Variants in NDRG1 observed in about 807,000 individuals in gnomAD.
The protein encoded by NDRG1 is N-myc downstream regulated 1.
NDRG1 carries 32 observed loss-of-function variants against 56.9 expected under a neutral mutation model. The observed-to-expected ratio is 0.56, with a 90% confidence interval of 0.42 to 0.76. NDRG1 has a LOEUF of 0.76. NDRG1 is among the 30% of genes least tolerant of loss of function. The pLI is 0.00. For synonymous variants in NDRG1, 211 were observed against 204.1 expected (o/e 1.03, Z -0.29); for missense variants, 507 against 545.7 (o/e 0.93, Z 0.71).
chr8:133,247,907 C>T lies in NDRG1; in HGVS notation c.775G>A (p.Val259Ile), dbSNP rs2130689327. 1.2e-6 allele frequency: 2 copies of T among 1,614,114 alleles called. No individual in the cohort carries two copies. The highest frequency in any genetic ancestry group is 4.5e-5 in the East Asian group (2 of 44,880). ...TCCACTGCAGGCGAGCTGTCCCCAA[C>T]CACCAACAGAGCAGGGCACCTGGGG... The part of the protein sequence containing the change: ...VTLQCPALLV[V>I]GDSSPAVDAV... The change falls in exon 12 of 16, where the codon GTT becomes ATT. Residue 259 changes from valine to isoleucine, a missense_variant. By Grantham distance (29) the Val-to-Ile change is conservative (BLOSUM62 3). Transcript: ENST00000323851.
At position 133,246,678 on chromosome 8, in the gene NDRG1, G is replaced by A; in HGVS notation, c.808-15C>T. ...TTGCACTCCACCTGCACAAGAGGGA[G>A]GAAATCTGTTAATTTTCTACGTGAA... On this transcript the variant is annotated splice_polypyrimidine_tract_variant and intron_variant, in intron 12 of 15. Coordinates refer to ENST00000323851, the MANE Select transcript of NDRG1 (RefSeq NM_006096.4). The A allele has an allele frequency of 6.2e-7, 1 of 1,613,914 alleles. No homozygotes were observed. The highest frequency in any genetic ancestry group is 8.5e-7 in the Non-Finnish European group (1 of 1,179,818).
At position 133,238,748 on chromosome 8, in the gene NDRG1, A is replaced by T; in HGVS notation, c.*130T>A. The T allele has an allele frequency of 6.1e-6, 7 of 1,148,996 alleles. No homozygotes were observed. Among genetic ancestry groups the T allele is most frequent in the Non-Finnish European group, 3.6e-6 (3 of 833,314 alleles). 71.2% of individuals were successfully genotyped at this position (1,148,996 alleles called of 1,614,324 possible). A position where few individuals can be genotyped will look rare whatever the true frequency, so the allele number is the denominator to read the frequency against. Reference sequence around the variant, plus strand: ...ACCTCATTTGTCTCCACCAGAGCTCACTCTTACAAAATAAGCTTTGGATTA... The same window carrying T: ...ACCTCATTTGTCTCCACCAGAGCTCTCTCTTACAAAATAAGCTTTGGATTA... On this transcript the variant is annotated 3_prime_UTR_variant, in exon 16 of 16. Coordinates refer to ENST00000323851, the MANE Select transcript of NDRG1 (RefSeq NM_006096.4).
rs577143555 is a variant in NDRG1, at chr8:133,256,334, G to A, written c.537+443C>T. On this transcript the variant is annotated intron_variant, in intron 8 of 15. Transcript: ENST00000323851. ...ATCGTAAAATTCTGTGGCACAGTCC[G>A]TACTAAATACATATTTATTTTTCTT... The A allele has an allele frequency of 2.8e-4, 52 of 184,322 alleles. No individual in the cohort carries two copies. The South Asian group carries it at 3.3e-3, about 12-fold the overall frequency. The allele number at this position is 184,322 out of a possible 1,614,324, so 11.4% of individuals were successfully genotyped here. A position where few individuals can be genotyped will look rare whatever the true frequency, so the allele number is the denominator to read the frequency against.
At chr8:133,261,594 T>C (rs1856662180) in intron 5 of NDRG1, among the ~76,000 whole-genome samples, 1 of 152,212 alleles carries the variant, frequency 6.6e-6, no homozygotes, top group South Asian at 2.1e-4. Flanking sequence ...GCTCCATCAA[T>C]GTTACTTCTC....
intron 1 of NDRG1, among the ~76,000 whole-genome samples, chr8:133,291,546 C>T (rs554675227): frequency 1.4e-4 from 22 of 152,270 alleles, no homozygotes; most frequent in South Asian, 6.2e-4. Context: ...GCAGTCTTCA[C>T]GAACTGTCTT....
At position 133,237,690 on chromosome 8, in the gene NDRG1, T is replaced by TGCCC; in HGVS notation, c.*1187_*1188insGGGC. On this transcript the variant is annotated 3_prime_UTR_variant, in exon 16 of 16. Transcript: ENST00000323851. ...CTCAGCCACCGCTCCCCACGTGAGT[T>TGCCC]CCCACCCCCACCCCGACAAGAGCAA... 3 of 228,710 alleles carry TGCCC rather than the reference T, an allele frequency of 1.3e-5. No individual in the cohort carries two copies. The highest frequency in any genetic ancestry group is 2.2e-5 in the African/African-American group (1 of 44,958). 14.2% of individuals were successfully genotyped at this position (228,710 alleles called of 1,614,324 possible).
At chr8:133,292,931 A>G (rs997290960) in intron 1 of NDRG1, among the ~76,000 whole-genome samples, 2 of 152,198 alleles carry the variant, frequency 1.3e-5, no homozygotes, top group Non-Finnish European at 2.9e-5. Context: ...GATGGAGCCC[A>G]GGCAGGTAGG....
In NDRG1 at chr8:133,264,650, C is replaced by T. The variant is rs2010438525; in HGVS notation, c.102G>A (p.Glu34=). ...AGCCATGTAAAGTCTCGATGTCCTG[C>T]TCCTGAGGAGACACAGCAGACAGTG... ...TGLLQEFDVQ[E]QDIETLHGSV... is the part of the protein sequence containing the mutation. Residue 34 remains glutamate (E), a splice_region_variant and synonymous_variant, in exon 4 of 16, where the codon GAG becomes GAA. Transcript: ENST00000323851. The T allele has an allele frequency of 1.2e-6, 2 of 1,614,064 alleles. No homozygotes were observed. Among genetic ancestry groups the T allele is most frequent in the Non-Finnish European group, 1.7e-6 (2 of 1,179,870 alleles).
rs571319753 is a variant in NDRG1 at position 133,297,042 on chromosome 8, C to T, written c.-19+92G>A. The T allele has an allele frequency of 2.7e-3, 417 of 154,226 alleles. 3 individuals are homozygous for T. The highest frequency in any genetic ancestry group is 9.2e-3 in the African/African-American group (383 of 41,590). The allele number at this position is 154,226 out of a possible 1,614,324, so 9.6% of individuals were successfully genotyped here. ...GCGCTTACTCCTGGAGTACGCGGGG[C>T]TACAAAGGGCGGTCCTGGCGCTCCA... On this transcript the variant is annotated intron_variant, in intron 1 of 15. Transcript: ENST00000323851.
intron 14 of NDRG1, 37 bp from the exon 15 acceptor site, chr8:133,242,111 T>G: frequency 6.2e-7 from 1 of 1,613,320 alleles, no homozygotes; most frequent in East Asian, 2.2e-5. Context: ...AGTCAGTTGC[T>G]GGGGAGCCAG....
In NDRG1 at chr8:133,237,647, C is replaced by T. The variant is rs184598535; in HGVS notation, c.*1231G>A. 8.6e-6 allele frequency: 2 copies of T among 233,080 alleles called. No individual in the cohort carries two copies. The highest frequency in any genetic ancestry group is 1.7e-5 in the Non-Finnish European group (2 of 118,020). 14.4% of individuals were successfully genotyped at this position (233,080 alleles called of 1,614,324 possible). On this transcript the variant is annotated 3_prime_UTR_variant, in exon 16 of 16. Transcript: ENST00000323851. ...AGGAAAGTCCCATGGAATATGTATT[C>T]CAGAATCCTTACATTTTCTCAGCCA...
intron 8 of NDRG1, 57 bp from the exon 9 acceptor site, chr8:133,254,652 G>T: frequency 6.3e-7 from 1 of 1,578,414 alleles, no homozygotes; most frequent in East Asian, 2.3e-5. Context: ...AGTTAACAAG[G>T]TCAGCAAAAC....
At chr8:133,293,182 C>T (rs1858523353) in intron 1 of NDRG1, among the ~76,000 whole-genome samples, 1 of 152,226 alleles carries the variant, frequency 6.6e-6, no homozygotes, top group African/African-American at 2.4e-5. Flanking sequence ...TCAGTGTCCC[C>T]AGCCCTTCTG....
intron 3 of NDRG1, among the ~76,000 whole-genome samples, chr8:133,269,721 C>T (rs760452905): frequency 3.3e-4 from 50 of 152,344 alleles, no homozygotes; most frequent in Non-Finnish European, 5.6e-4. Context: ...TTCTCTGCAA[C>T]GTGCACTGTG....
chr8:133,254,695 G>T, intron 8 of NDRG1, 100 bp from the exon 9 acceptor site: 1 of 1,185,574 alleles, frequency 8.4e-7, no homozygotes, highest in Non-Finnish European at 1.2e-6. Context: ...GGCATTGCTG[G>T]ACTCCCCCCT....
intron 3 of NDRG1, among the ~76,000 whole-genome samples, chr8:133,272,238 C>T (rs956443130): frequency 3.3e-5 from 5 of 152,214 alleles, no homozygotes; most frequent in Non-Finnish European, 7.3e-5. Context: ...CTGGAACCCA[C>T]GCTGAAGACC....
At chr8:133,256,900 G>C (rs1461288323) in intron 7 of NDRG1, 37 bp from the exon 8 acceptor site, 1 of 1,588,982 alleles carries the variant, frequency 6.3e-7, no homozygotes, top group Non-Finnish European at 8.6e-7. Flanking sequence ...AGACATCCCA[G>C]CAATCTGAAA....
At chr8:133,273,104 C>T (rs1857276719) in intron 3 of NDRG1, among the ~76,000 whole-genome samples, 1 of 152,198 alleles carries the variant, frequency 6.6e-6, no homozygotes. Flanking sequence ...CAGCCCCCTC[C>T]ACCACTCCAC....
At chr8:133,288,910 G>A (rs1441244734) in intron 1 of NDRG1, among the ~76,000 whole-genome samples, 1 of 152,188 alleles carries the variant, frequency 6.6e-6, no homozygotes, top group Non-Finnish European at 1.5e-5. Flanking sequence ...CTGCCAGCCT[G>A]TATCTTCACT....
Sources: allele counts gnomAD v4.1 joint callset (sites outside exome capture counted in the v4.1 genomes callset), GRCh38; gene constraint gnomAD v4.1.1; transcripts MANE v1.5; gene names NCBI Gene and HGNC (gene_info 2026-07-23, HGNC 2026-07-21).